The following TIAM2 variants were observed in gnomAD, a reference collection of about 807,000 sequenced individuals.
TIAM2 encodes the protein TIAM Rac1 associated GEF 2, also known as rho guanine nucleotide exchange factor TIAM2.
In TIAM2, 80 loss-of-function variants were observed where a neutral mutation model predicts 152.9. The observed-to-expected ratio is 0.52, with a 90% CI of 0.44 to 0.63. The LOEUF (loss-of-function observed/expected upper bound fraction) is 0.63. Among genes scored for constraint, TIAM2 ranks in the 30% least tolerant of loss-of-function variants. The pLI is 0.00. For synonymous variants in TIAM2, 804 were observed against 838.0 expected (o/e 0.96, Z 0.70); for missense variants, 1,965 against 2,120.1 (o/e 0.93, Z 1.44).
At chr6:155,196,026 G>C (rs538605886) in intron 14 of TIAM2, among the ~76,000 whole-genome samples, 1 of 152,324 alleles carries the variant, frequency 6.6e-6, no homozygotes, top group Non-Finnish European at 1.5e-5. Flanking sequence ...GTAGTGACAT[G>C]ATCTGACGAG....
chr6:155,183,523 T>C, intron 14 of TIAM2, 23 bp downstream of exon 14: 2 of 1,580,864 alleles, frequency 1.3e-6, no homozygotes, highest in African/African-American at 2.7e-5. Flanking sequence ...TCTGTCTTCC[T>C]TCTTAACTGC....
intron 9 of TIAM2, among the ~76,000 whole-genome samples, chr6:155,175,107 G>C (rs986829999): frequency 6.6e-6 from 1 of 152,182 alleles, no homozygotes; most frequent in African/African-American, 2.4e-5. Context: ...GGCATCCCTG[G>C]CTCCTTGCAT....
chr6:155,163,162 A>G (rs1392991525), intron 7 of TIAM2, among the ~76,000 whole-genome samples: 1 of 152,222 alleles, frequency 6.6e-6, no homozygotes, highest in Non-Finnish European at 1.5e-5. Context: ...CTGGGTGCTC[A>G]GCAACATGGC....
chr6:155,068,897 T>TG (rs1226171194), intron 1 of TIAM2, among the ~76,000 whole-genome samples: 1 of 152,086 alleles, frequency 6.6e-6, no homozygotes, highest in African/African-American at 2.4e-5. Context: ...TATAACCCTT[T>TG]ATAGCCCCTG....
chr6:155,168,353 T>A (rs1022250814), intron 9 of TIAM2, among the ~76,000 whole-genome samples: 113 of 151,734 alleles, frequency 7.4e-4, no homozygotes, highest in African/African-American at 2.7e-3. Context: ...AGAATGAATT[T>A]ATTTATTTAT....
intron 26 of TIAM2, 130 bp from the exon 27 acceptor site, chr6:155,256,354 A>C: frequency 7.3e-7 from 1 of 1,365,950 alleles, no homozygotes; most frequent in Middle Eastern, 2.0e-4. Flanking sequence ...AATTACCAGG[A>C]TAGTTGCTAA....
intron 1 of TIAM2, among the ~76,000 whole-genome samples, chr6:155,053,481 T>TTTC (rs1777366887): frequency 6.6e-6 from 1 of 150,908 alleles, no homozygotes; most frequent in African/African-American, 2.4e-5. Flanking sequence ...TTTTTTTTTT[T>TTTC]TTTAAATTTA....
intron 21 of TIAM2, among the ~76,000 whole-genome samples, chr6:155,250,202 A>G (rs3011901): frequency 0.26 from 39,036 of 151,964 alleles, 5,671 homozygotes; most frequent in Middle Eastern, 0.42. Context: ...TGGAACATCC[A>G]TGGAGGGTGA....
At chr6:155,037,516 G>A (rs564042083) in intron 1 of TIAM2, among the ~76,000 whole-genome samples, 35 of 151,984 alleles carry the variant, frequency 2.3e-4, no homozygotes, top group East Asian at 1.7e-3. Flanking sequence ...GTGCTCCTCT[G>A]GGCTGGTTTC....
chr6:155,052,372 A>G (rs1173084597), intron 1 of TIAM2, among the ~76,000 whole-genome samples: 1 of 152,236 alleles, frequency 6.6e-6, no homozygotes, highest in Non-Finnish European at 1.5e-5. Flanking sequence ...TTGAAATTAT[A>G]TACAAGTTAC....
chr6:155,114,636 T>G (rs1263637056), intron 2 of TIAM2, among the ~76,000 whole-genome samples: 1 of 152,194 alleles, frequency 6.6e-6, no homozygotes, highest in Non-Finnish European at 1.5e-5. Flanking sequence ...GATAACTAAA[T>G]TTTAACCATA....
At chr6:155,126,752 A>G (rs2115033483) in intron 2 of TIAM2, among the ~76,000 whole-genome samples, 1 of 152,130 alleles carries the variant, frequency 6.6e-6, no homozygotes, top group African/African-American at 2.4e-5. Context: ...ATAAATAAAT[A>G]AATGGTAAGA....
At chr6:155,012,577 G>A (rs1055044302) in intron 1 of TIAM2, among the ~76,000 whole-genome samples, 14 of 152,036 alleles carry the variant, frequency 9.2e-5, no homozygotes, top group African/African-American at 4.8e-5. Context: ...TTGAGACGGA[G>A]TCTCACTCTG....
At chr6:155,061,596 A>T (rs1777580493) in intron 1 of TIAM2, among the ~76,000 whole-genome samples, 1 of 152,188 alleles carries the variant, frequency 6.6e-6, no homozygotes, top group Non-Finnish European at 1.5e-5. Flanking sequence ...CTCTGATGCA[A>T]TAAATTTACC....
At chr6:155,067,356 T>G (rs1401908729) in intron 1 of TIAM2, among the ~76,000 whole-genome samples, 2 of 152,188 alleles carry the variant, frequency 1.3e-5, no homozygotes, top group Non-Finnish European at 2.9e-5. Flanking sequence ...AGTTACCACC[T>G]TCAGCCTTTT....
chr6:155,065,621 T>C (rs1777676483), intron 1 of TIAM2, among the ~76,000 whole-genome samples: 1 of 151,932 alleles, frequency 6.6e-6, no homozygotes. Context: ...CTACTAAAAA[T>C]ACGAAAATTA....
At chr6:155,044,661 A>G (rs1455665220) in intron 1 of TIAM2, among the ~76,000 whole-genome samples, 1 of 152,080 alleles carries the variant, frequency 6.6e-6, no homozygotes, top group Non-Finnish European at 1.5e-5. Flanking sequence ...CTAAAAATAC[A>G]AAAATTACCT....
At chr6:155,224,564 T>C (rs1782174301) in intron 15 of TIAM2, among the ~76,000 whole-genome samples, 1 of 152,236 alleles carries the variant, frequency 6.6e-6, no homozygotes, top group Non-Finnish European at 1.5e-5. Context: ...GGATGTGTCA[T>C]TAGTATGGAA....
chr6:155,062,822 G>A (rs920068236), intron 1 of TIAM2, among the ~76,000 whole-genome samples: 2 of 151,958 alleles, frequency 1.3e-5, no homozygotes, highest in African/African-American at 4.8e-5. Flanking sequence ...TGATCCACCC[G>A]CCTCAGCCTC....
Sources: gnomAD v4.1 joint callset for allele counts (sites outside exome capture counted in the v4.1 genomes callset) on GRCh38, gnomAD v4.1.1 for gene constraint, MANE v1.5 for transcripts, NCBI Gene and HGNC (gene_info 2026-07-23, HGNC 2026-07-21) for gene names.